DAPK1: variants seen among roughly 807,000 people sequenced by gnomAD.
The protein encoded by DAPK1 is death associated protein kinase 1.
In DAPK1, 56 loss-of-function variants were observed where a neutral mutation model predicts 144.9. That is an observed-to-expected ratio of 0.39 (90% confidence interval 0.31 to 0.48). The LOEUF (loss-of-function observed/expected upper bound fraction) is 0.48, where lower values mean the gene tolerates loss of function less well. Ranked by LOEUF, DAPK1 falls within the 20% of genes least tolerant of loss-of-function variation. The pLI is 0.95. For synonymous variants in DAPK1, 690 were observed against 749.0 expected (o/e 0.92, Z 1.29); for missense variants, 1,454 against 1,875.4 (o/e 0.78, Z 4.15).
chr9:87,520,413 A>G (rs1044359589), intron 2 of DAPK1, among the ~76,000 whole-genome samples: 3 of 152,180 alleles, frequency 2.0e-5, no homozygotes, highest in African/African-American at 7.2e-5. Context: ...AGACAGGGAC[A>G]GGCACAGCTG....
At chr9:87,610,769 G>A (rs1486156831) in intron 3 of DAPK1, among the ~76,000 whole-genome samples, 1 of 152,236 alleles carries the variant, frequency 6.6e-6, no homozygotes. Context: ...CCACCAATCA[G>A]TTGATTGTTC....
At chr9:87,643,929 G>A (rs1241571699) in intron 11 of DAPK1, among the ~76,000 whole-genome samples, 1 of 152,086 alleles carries the variant, frequency 6.6e-6, no homozygotes, top group Non-Finnish European at 1.5e-5. Context: ...GCAGACAGCC[G>A]CCACTCCCTT....
rs377592455 is a variant in DAPK1 at position 87,707,310 on chromosome 9, G to T, written c.4239G>T (p.Ser1413=). 12 of 1,612,404 alleles carry T rather than the reference G, an allele frequency of 7.4e-6. No individual in the cohort carries two copies. In the African/African-American group the frequency reaches 8.0e-5, roughly 11 times the overall value. The part of the protein sequence containing the change: ...LDGNGQEAYA[S]SCNSGTSYNS... ...GCAATGGCCAGGAGGCCTATGCCTC[G>T]AGCTGCAACAGCGGCACCTCTTACA... The change falls in exon 26 of 26, where the codon TCG becomes TCT. Residue 1413 remains serine, a synonymous_variant. Transcript: ENST00000408954. This position sits in a 1 kb window ranked among gnomAD's most constrained non-coding sequence, Gnocchi z 4.0.
chr9:87,687,032 T>G (rs1353778090), intron 21 of DAPK1: 1 of 159,566 alleles, frequency 6.3e-6, no homozygotes, highest in African/African-American at 2.4e-5. Context: ...ATGGGGTACG[T>G]GTGATATTTC....
At chr9:87,578,866 G>C (rs983379838) in intron 2 of DAPK1, among the ~76,000 whole-genome samples, 2 of 152,120 alleles carry the variant, frequency 1.3e-5, no homozygotes, top group African/African-American at 2.4e-5. Context: ...GTCTTATCTT[G>C]GGATTTGAGG....
intron 2 of DAPK1, among the ~76,000 whole-genome samples, chr9:87,593,357 T>G (rs1828206017): frequency 6.6e-6 from 1 of 152,188 alleles, no homozygotes; most frequent in East Asian, 1.9e-4. Context: ...ACCTACCCTT[T>G]AAAAACATGC....
intron 2 of DAPK1, among the ~76,000 whole-genome samples, chr9:87,537,018 C>T (rs1041584948): frequency 2.0e-5 from 3 of 150,350 alleles, no homozygotes; most frequent in East Asian, 1.9e-4. Context: ...GATGGAGTCT[C>T]ACACAGTCAC....
chr9:87,527,514 C>T (rs963242491), intron 2 of DAPK1, among the ~76,000 whole-genome samples: 1 of 152,182 alleles, frequency 6.6e-6, no homozygotes, highest in Non-Finnish European at 1.5e-5. Context: ...TCCAGCAGAG[C>T]ACAAAATAGA....
intron 2 of DAPK1, among the ~76,000 whole-genome samples, chr9:87,513,794 A>G (rs1212343237): frequency 6.6e-6 from 1 of 152,190 alleles, no homozygotes; most frequent in Admixed American, 6.5e-5. Context: ...TGTCTAGCAC[A>G]GTGCTGGCTC....
chr9:87,564,075 C>T (rs560487200), intron 2 of DAPK1, among the ~76,000 whole-genome samples: 8 of 152,314 alleles, frequency 5.3e-5, no homozygotes, highest in South Asian at 2.1e-4. Context: ...GGTGCTTCTC[C>T]GGATTCCCTC....
At chr9:87,619,419 A>G (rs1829213488) in intron 3 of DAPK1, among the ~76,000 whole-genome samples, 1 of 152,158 alleles carries the variant, frequency 6.6e-6, no homozygotes, top group Admixed American at 6.5e-5. Context: ...TTGAAGTTGA[A>G]TTCTGTCAGG....
At chr9:87,526,208 T>C (rs530471238) in intron 2 of DAPK1, among the ~76,000 whole-genome samples, 1 of 152,082 alleles carries the variant, frequency 6.6e-6, no homozygotes, top group Non-Finnish European at 1.5e-5. Context: ...TTCACACCTT[T>C]TAATATGCAA....
At chr9:87,654,053 C>T (rs747590899) in intron 17 of DAPK1, among the ~76,000 whole-genome samples, 1 of 152,110 alleles carries the variant, frequency 6.6e-6, no homozygotes, top group Non-Finnish European at 1.5e-5. Context: ...TTCCTACTAC[C>T]GTTTTTTGTG....
At chr9:87,634,666 T>C (rs182940985) in intron 3 of DAPK1, among the ~76,000 whole-genome samples, 15 of 152,178 alleles carry the variant, frequency 9.9e-5, no homozygotes, top group Non-Finnish European at 1.9e-4. Context: ...CAGACCGTCT[T>C]CGGAAAAATG....
chr9:87,646,124 C>T, intron 12 of DAPK1, 110 bp downstream of exon 12: 7 of 1,330,640 alleles, frequency 5.3e-6, no homozygotes, highest in Non-Finnish European at 6.2e-6. Flanking sequence ...CAATTGGAAG[C>T]TCCATACTGT....
intron 2 of DAPK1, among the ~76,000 whole-genome samples, chr9:87,588,256 G>T (rs1217093733): frequency 6.6e-6 from 1 of 152,208 alleles, no homozygotes; most frequent in Non-Finnish European, 1.5e-5. Flanking sequence ...GTTGAAAAAG[G>T]ATCCTTTCCT....
chr9:87,609,081 A>G (rs750800970), intron 3 of DAPK1, among the ~76,000 whole-genome samples: 5 of 151,876 alleles, frequency 3.3e-5, no homozygotes, highest in Non-Finnish European at 7.3e-5. Context: ...CGAATAGAAC[A>G]AAAAGGCTGA....
intron 20 of DAPK1, among the ~76,000 whole-genome samples, chr9:87,685,506 C>G (rs545716183): frequency 1.3e-5 from 2 of 152,302 alleles, no homozygotes; most frequent in East Asian, 3.9e-4. Context: ...CAATGCAATT[C>G]GTTCACCAAG....
intron 21 of DAPK1, among the ~76,000 whole-genome samples, chr9:87,690,208 G>A (rs1038877454): frequency 6.6e-6 from 1 of 151,812 alleles, no homozygotes; most frequent in Non-Finnish European, 1.5e-5. Flanking sequence ...TTCCTTGTAG[G>A]GGTCTTTCAC....
Sources: gnomAD v4.1 joint callset for allele counts (sites outside exome capture counted in the v4.1 genomes callset) on GRCh38, gnomAD v4.1.1 for gene constraint, Gnocchi (gnomAD v3.1) non-coding constraint, MANE v1.5 for transcripts, NCBI Gene and HGNC (gene_info 2026-07-23, HGNC 2026-07-21) for gene names.